Variants in DNAI4 observed in about 807,000 individuals in gnomAD.
The protein encoded by DNAI4 is WD repeat domain 78.
A neutral mutation model predicts 105.8 loss-of-function variants in DNAI4; 85 were observed. The ratio of observed to expected loss-of-function variants is 0.80; its 90% CI spans 0.67 to 0.96. DNAI4 has a LOEUF of 0.96. Among genes scored for constraint, DNAI4 ranks in the 40% least tolerant of loss-of-function variants. The pLI, the probability that DNAI4 is intolerant of heterozygous loss-of-function variation, is 0.00. For synonymous variants in DNAI4, 352 were observed against 331.5 expected (o/e 1.06, Z -0.67); for missense variants, 1,014 against 1,005.6 (o/e 1.01, Z -0.11).
At chr1:66,905,437 C>A (rs1649171707) in intron 1 of DNAI4, 62 bp from the exon 2 acceptor site, 2 of 1,170,708 alleles carry the variant, frequency 1.7e-6, no homozygotes, top group Non-Finnish European at 2.3e-6. Flanking sequence ...AATCAACCAA[C>A]AATAAAAAAG....
intron 3 of DNAI4, among the ~76,000 whole-genome samples, 199 bp from the exon 4 acceptor site, chr1:66,891,465 CTTTA>C (rs907183217): frequency 7.9e-5 from 12 of 151,908 alleles, no homozygotes; most frequent in Admixed American, 5.9e-4. Context: ...TTATTTGTAT[CTTTA>C]TTTATTTTTT....
chr1:66,856,460 G>A (rs1041040857), intron 7 of DNAI4, among the ~76,000 whole-genome samples: 11 of 151,958 alleles, frequency 7.2e-5, no homozygotes, highest in Non-Finnish European at 1.5e-4. Context: ...GCGACAGAGC[G>A]AGACTCCGTC....
At chr1:66,924,610 C>T in intron 1 of DNAI4, 52 bp downstream of exon 1, 1 of 1,612,184 alleles carries the variant, frequency 6.2e-7, no homozygotes, top group Non-Finnish European at 8.5e-7. Context: ...AATAGAAGGG[C>T]TCCCTCCGGG....
At chr1:66,830,920 T>C (rs1645852876) in intron 13 of DNAI4, among the ~76,000 whole-genome samples, 1 of 142,724 alleles carries the variant, frequency 7.0e-6, no homozygotes, top group Admixed American at 7.5e-5. Context: ...AGAGTTACAG[T>C]GAGCTATAAT....
rs1452071570 is a variant in DNAI4, at chr1:66,813,939, A to G, written c.*191T>C. 5.2e-5 allele frequency: 25 copies of G among 479,792 alleles called. No homozygotes were observed. In the East Asian group the frequency reaches 8.3e-4, roughly 16 times the overall value. The allele number at this position is 479,792 out of a possible 1,614,324, so 29.7% of individuals were successfully genotyped here. A position where few individuals can be genotyped will look rare whatever the true frequency, so the allele number is the denominator to read the frequency against. On this transcript the variant is annotated 3_prime_UTR_variant, in exon 17 of 17. Transcript: ENST00000371026. Reference sequence around the variant, plus strand: ...TAAGAAAATTCCACTGAAACTCTTAAGAATAACTCTTAGATTGTAAACTAA... The same window carrying G: ...TAAGAAAATTCCACTGAAACTCTTAGGAATAACTCTTAGATTGTAAACTAA...
chr1:66,838,619 T>C (rs1646080720), intron 9 of DNAI4, among the ~76,000 whole-genome samples: 1 of 152,250 alleles, frequency 6.6e-6, no homozygotes, highest in African/African-American at 2.4e-5. Context: ...GCCTCTGCTG[T>C]GTAACCAGAA....
At chr1:66,867,802 T>C (rs1646764104) in intron 6 of DNAI4, among the ~76,000 whole-genome samples, 1 of 152,206 alleles carries the variant, frequency 6.6e-6, no homozygotes, top group Non-Finnish European at 1.5e-5. Flanking sequence ...TTATATCTGT[T>C]GCTGTGTTAC....
intron 4 of DNAI4, among the ~76,000 whole-genome samples, chr1:66,883,446 T>G (rs1279396713): frequency 6.6e-6 from 1 of 151,982 alleles, no homozygotes; most frequent in African/African-American, 2.4e-5. Flanking sequence ...CCCAGCTAAT[T>G]TTTGGTTTTT....
intron 1 of DNAI4, among the ~76,000 whole-genome samples, chr1:66,922,219 G>T (rs1042985918): frequency 1.3e-5 from 2 of 152,110 alleles, no homozygotes; most frequent in Admixed American, 1.3e-4. Context: ...GAGCCACTGT[G>T]CCTGGCAGGA....
chr1:66,833,337 AAC>A (rs1466094901), intron 13 of DNAI4, among the ~76,000 whole-genome samples: 5 of 152,120 alleles, frequency 3.3e-5, no homozygotes, highest in African/African-American at 7.2e-5. Flanking sequence ...TCAATTTTAG[AAC>A]AGTTTCATCA....
At chr1:66,875,060 C>T in intron 4 of DNAI4, 123 bp from the exon 5 acceptor site, 1 of 945,838 alleles carries the variant, frequency 1.1e-6, no homozygotes, top group African/African-American at 1.7e-5. Context: ...AGTCAAGGAA[C>T]AGGCCAGGTT....
chr1:66,830,772 C>A (rs1211815635), intron 13 of DNAI4, among the ~76,000 whole-genome samples: 1 of 150,012 alleles, frequency 6.7e-6, no homozygotes. Context: ...TAGGGTGAGA[C>A]CCTGTCTCAA....
chr1:66,835,364 C>G (rs555234698), intron 11 of DNAI4, among the ~76,000 whole-genome samples: 73 of 152,194 alleles, frequency 4.8e-4, no homozygotes, highest in African/African-American at 1.8e-3. Flanking sequence ...AGAAGTGAAA[C>G]CCAAAGCAAT....
At chr1:66,845,554 C>A (rs1168483897) in intron 8 of DNAI4, among the ~76,000 whole-genome samples, 4 of 152,108 alleles carry the variant, frequency 2.6e-5, no homozygotes, top group African/African-American at 4.8e-5. Context: ...AAGTCTCACA[C>A]AAAAATGTTT....
intron 13 of DNAI4, among the ~76,000 whole-genome samples, chr1:66,831,497 G>T (rs1572607102): frequency 6.6e-6 from 1 of 152,100 alleles, no homozygotes. Context: ...TACTTCACCA[G>T]ATTAACAAAC....
intron 9 of DNAI4, among the ~76,000 whole-genome samples, chr1:66,840,129 T>C (rs1330874547): frequency 1.3e-5 from 2 of 152,232 alleles, no homozygotes; most frequent in Non-Finnish European, 2.9e-5. Context: ...TCATCAGTTT[T>C]GGTATACGTT....
At chr1:66,837,529 G>A in intron 10 of DNAI4, 181 bp downstream of exon 10, 2 of 696,442 alleles carry the variant, frequency 2.9e-6, no homozygotes, top group Non-Finnish European at 4.6e-6. Flanking sequence ...ATTAATAAAT[G>A]AATTATCTTT....
At chr1:66,862,102 C>T (rs757399865) in intron 7 of DNAI4, 45 bp downstream of exon 7, 2 of 1,500,716 alleles carry the variant, frequency 1.3e-6, no homozygotes, top group East Asian at 4.8e-5. Flanking sequence ...ATTAAAAATG[C>T]CATGTTAAAG....
intron 13 of DNAI4, among the ~76,000 whole-genome samples, chr1:66,833,267 T>A (rs1645905987): frequency 6.6e-6 from 1 of 152,156 alleles, no homozygotes; most frequent in Admixed American, 6.5e-5. Context: ...TTCACACATG[T>A]CAAGTATATA....
Sources: gnomAD v4.1 joint callset for allele counts (sites outside exome capture counted in the v4.1 genomes callset) on GRCh38, gnomAD v4.1.1 for gene constraint, MANE v1.5 for transcripts, NCBI Gene and HGNC (gene_info 2026-07-23, HGNC 2026-07-21) for gene names.